CREB5: variants seen among roughly 807,000 people sequenced by gnomAD.
CREB5 encodes cyclic AMP-responsive element-binding protein 5.
In CREB5, 19 loss-of-function variants were observed where a neutral mutation model predicts 57.1. That is an observed-to-expected ratio of 0.33 (90% CI 0.23 to 0.49). The LOEUF is 0.49. Ranked by LOEUF, CREB5 falls within the 20% of genes least tolerant of loss-of-function variation. CREB5 has a pLI of 0.99. For missense variants in CREB5, 579 were observed against 671.6 expected, an observed-to-expected ratio of 0.86 and a Z score of 1.52; for synonymous variants, 238 against 238.3, an observed-to-expected ratio of 1.00 and a Z score of 0.01.
intron 1 of CREB5, among the ~76,000 whole-genome samples, chr7:28,400,066 T>TACACACACAC (rs3041008): frequency 6.7e-6 from 1 of 150,266 alleles, no homozygotes; most frequent in Admixed American, 6.6e-5. Flanking sequence ...CTGAAACAGA[T>TACACACACAC]ACACACACAC....
chr7:28,571,239 G>A (rs1265746035), intron 5 of CREB5, among the ~76,000 whole-genome samples: 1 of 152,092 alleles, frequency 6.6e-6, no homozygotes, highest in Non-Finnish European at 1.5e-5. Context: ...GTTTATTTCT[G>A]GAATTTTCCT....
chr7:28,737,014 C>T (rs940025569), intron 7 of CREB5, among the ~76,000 whole-genome samples: 3 of 152,014 alleles, frequency 2.0e-5, no homozygotes, highest in Admixed American at 1.3e-4. Context: ...TGTTCCCACC[C>T]AGACCTGTGG....
chr7:28,545,721 C>T (rs1030217402), intron 4 of CREB5, among the ~76,000 whole-genome samples: 1 of 152,210 alleles, frequency 6.6e-6, no homozygotes, highest in Non-Finnish European at 1.5e-5. Flanking sequence ...ATTGTCATCA[C>T]AGATGAGAGA....
chr7:28,482,578 C>T (rs1791379026), intron 1 of CREB5, among the ~76,000 whole-genome samples: 1 of 152,170 alleles, frequency 6.6e-6, no homozygotes, highest in Non-Finnish European at 1.5e-5. Flanking sequence ...CTCTAGAAAC[C>T]TTTTGAGGTC....
chr7:28,396,534 C>T (rs1787339500), intron 1 of CREB5, among the ~76,000 whole-genome samples: 1 of 151,988 alleles, frequency 6.6e-6, no homozygotes, highest in Non-Finnish European at 1.5e-5. Flanking sequence ...GTAATATAAT[C>T]TCTTGATGTC....
intron 4 of CREB5, among the ~76,000 whole-genome samples, chr7:28,513,262 AG>A (rs1270898764): frequency 6.6e-6 from 1 of 152,250 alleles, no homozygotes; most frequent in African/African-American, 2.4e-5. Flanking sequence ...AACTTGCAAC[AG>A]CTGCACATTT....
At chr7:28,422,316 T>C (rs1364904156) in intron 1 of CREB5, among the ~76,000 whole-genome samples, 2 of 152,164 alleles carry the variant, frequency 1.3e-5, no homozygotes, top group Non-Finnish European at 2.9e-5. Context: ...GGAAGAATTT[T>C]GGAACAAGTA....
At chr7:28,378,139 C>T (rs1431535640) in intron 1 of CREB5, among the ~76,000 whole-genome samples, 1 of 152,098 alleles carries the variant, frequency 6.6e-6, no homozygotes, top group Non-Finnish European at 1.5e-5. Flanking sequence ...CTCCAGGTTT[C>T]CATGATCCAC....
chr7:28,579,302 C>G lies in CREB5; in HGVS notation c.464+8765C>G, dbSNP rs556748900. ...ACTGCTGAAGAAGAATTCTACAAAA[C>G]GCATTCATTCACATTTAGCAGGTAG... On this transcript the variant is annotated intron_variant, in intron 5 of 10. Transcript: ENST00000357727. Among the ~76,000 whole-genome samples the G allele has an allele frequency of 3.3e-5, 5 of 152,314 alleles. No individual in the cohort carries two copies. The East Asian group carries it at 9.6e-4, about 29-fold the overall frequency.
chr7:28,489,131 T>C (rs1047725822), intron 2 of CREB5, among the ~76,000 whole-genome samples: 1 of 152,088 alleles, frequency 6.6e-6, no homozygotes, highest in African/African-American at 2.4e-5. Flanking sequence ...CTGTGGGATA[T>C]AGGACAAGTT....
chr7:28,369,304 T>C (rs914868869), intron 1 of CREB5, among the ~76,000 whole-genome samples: 4 of 152,130 alleles, frequency 2.6e-5, no homozygotes, highest in Non-Finnish European at 4.4e-5. Context: ...ACATTAGTAA[T>C]GCAGGCTTGG....
At chr7:28,492,433 T>G (rs1791847395) in intron 2 of CREB5, among the ~76,000 whole-genome samples, 1 of 152,340 alleles carries the variant, frequency 6.6e-6, no homozygotes. Flanking sequence ...AACCACGTTC[T>G]GAATTCCAGT....
intron 4 of CREB5, among the ~76,000 whole-genome samples, chr7:28,560,831 CGCGTGTGTGTGT>C (rs1795091253): frequency 1.4e-4 from 8 of 58,946 alleles, no homozygotes; most frequent in Admixed American, 4.7e-4. Flanking sequence ...TGCGCGCGCG[CGCGTGTGTGTGT>C]GCGCGTGTGT....
intron 4 of CREB5, among the ~76,000 whole-genome samples, chr7:28,534,910 T>G (rs1225278273): frequency 7.1e-6 from 1 of 141,758 alleles, no homozygotes; most frequent in Non-Finnish European, 1.6e-5. Context: ...CCTAATAGTT[T>G]GACTCTGGAG....
intron 7 of CREB5, among the ~76,000 whole-genome samples, chr7:28,785,593 C>A (rs1310524061): frequency 6.6e-6 from 1 of 152,146 alleles, no homozygotes; most frequent in Non-Finnish European, 1.5e-5. Flanking sequence ...CACTATCAGG[C>A]AAAACTTGAG....
rs1056200286 is a variant in CREB5 at position 28,417,062 on chromosome 7, G to A, written c.3+4145G>A. Among the ~76,000 whole-genome samples the A allele has an allele frequency of 3.1e-4, 47 of 152,278 alleles. 2 individuals carry two copies. The highest frequency in any genetic ancestry group is 1.1e-3 in the African/African-American group (45 of 41,558). On this transcript the variant is annotated intron_variant, in intron 1 of 10. Coordinates refer to ENST00000357727, the MANE Select transcript of CREB5 (RefSeq NM_182898.4). ...AGCAGCCTGAGACTGGAGGAGGGACGCAATTCCCAGAGAGCTGCCTTGAGC... is the reference window on the plus strand; with the variant it reads ...AGCAGCCTGAGACTGGAGGAGGGACACAATTCCCAGAGAGCTGCCTTGAGC...
chr7:28,666,643 A>G (rs1799835869), intron 5 of CREB5, among the ~76,000 whole-genome samples: 1 of 152,134 alleles, frequency 6.6e-6, no homozygotes, highest in Admixed American at 6.6e-5. Context: ...AAATGGATAC[A>G]TTGCAAGCTA....
chr7:28,618,208 T>C (rs1287565496), intron 5 of CREB5, among the ~76,000 whole-genome samples: 1 of 152,176 alleles, frequency 6.6e-6, no homozygotes, highest in Non-Finnish European at 1.5e-5. Context: ...GAAACAACTG[T>C]CCTGCTTGGC....
Position 28,709,119 on chromosome 7 carries a change from G to C in CREB5, c.465-9634G>C, listed in dbSNP as rs62443614. Among the ~76,000 whole-genome samples, 857 of 152,150 alleles carry C rather than the reference G, an allele frequency of 5.6e-3. 2 individuals are homozygous for C. The highest frequency in any genetic ancestry group is 9.1e-3 in the Non-Finnish European group (619 of 67,988). On this transcript the variant is annotated intron_variant, in intron 5 of 10. Coordinates refer to ENST00000357727, the MANE Select transcript of CREB5 (RefSeq NM_182898.4). ...AAAATCATCTTTTATTTCATCTTTT[G>C]GTCTGCATTTACTTGCCTTTTCTAA...
Sources: allele counts gnomAD v4.1 joint callset (sites outside exome capture counted in the v4.1 genomes callset), GRCh38; gene constraint gnomAD v4.1.1; transcripts MANE v1.5; gene names NCBI Gene and HGNC (gene_info 2026-07-23, HGNC 2026-07-21).